ULK4: variants seen among roughly 807,000 people sequenced by gnomAD.
ULK4 encodes the protein unc-51 like kinase 4, also known as inactive serine/threonine-protein kinase ULK4.
A neutral mutation model predicts 160.6 loss-of-function variants in ULK4; 133 were observed. That is an observed-to-expected ratio of 0.83 (90% CI 0.72 to 0.96). ULK4 has a LOEUF of 0.96. Ranked by LOEUF, ULK4 falls within the 40% of genes least tolerant of loss-of-function variation. The pLI is 0.00. For synonymous variants in ULK4, 534 were observed against 539.8 expected, an observed-to-expected ratio of 0.99 and a Z score of 0.15; for missense variants, 1,580 against 1,499.5, an observed-to-expected ratio of 1.05 and a Z score of -0.89.
chr3:41,482,289 G>C (rs1214999085), intron 32 of ULK4, among the ~76,000 whole-genome samples: 4 of 152,084 alleles, frequency 2.6e-5, no homozygotes, highest in East Asian at 1.9e-4. Flanking sequence ...TTCAGAAAAG[G>C]GTCTAGGAAG....
At chr3:41,605,630 T>G (rs961820771) in intron 31 of ULK4, among the ~76,000 whole-genome samples, 15 of 151,828 alleles carry the variant, frequency 9.9e-5, no homozygotes, top group African/African-American at 3.6e-4. Context: ...AAAGGGGAAA[T>G]AGTCAAAACC....
At chr3:41,450,857 G>A (rs1002347472) in intron 34 of ULK4, among the ~76,000 whole-genome samples, 18 of 152,268 alleles carry the variant, frequency 1.2e-4, no homozygotes, top group African/African-American at 3.1e-4. Context: ...ATTTTTATAC[G>A]TAATGGTTCC....
chr3:41,493,318 C>G (rs2084861559), intron 32 of ULK4, among the ~76,000 whole-genome samples: 1 of 145,094 alleles, frequency 6.9e-6, no homozygotes, highest in Non-Finnish European at 1.5e-5. Context: ...CAACCTGCTC[C>G]TGAATGACTA....
intron 19 of ULK4, among the ~76,000 whole-genome samples, chr3:41,802,263 C>T (rs1293656884): frequency 6.6e-6 from 1 of 151,944 alleles, no homozygotes; most frequent in Non-Finnish European, 1.5e-5. Context: ...GATTGTTTTC[C>T]TTAATTTTTG....
At chr3:41,471,847 C>G in intron 32 of ULK4, among the ~76,000 whole-genome samples, 1 of 148,612 alleles carries the variant, frequency 6.7e-6, no homozygotes, top group East Asian at 2.0e-4. Context: ...CAGGATACAG[C>G]AAAAGCAGTT....
At chr3:41,732,457 A>G (rs2037865672) in intron 22 of ULK4, among the ~76,000 whole-genome samples, 1 of 152,104 alleles carries the variant, frequency 6.6e-6, no homozygotes. Flanking sequence ...AAAAATAATA[A>G]TAATAATAAT....
intron 34 of ULK4, among the ~76,000 whole-genome samples, chr3:41,444,770 G>A (rs111335327): frequency 3.3e-5 from 5 of 152,178 alleles, no homozygotes; most frequent in Non-Finnish European, 5.9e-5. Context: ...ACAAAGTCAG[G>A]AGTTTGAGAT....
chr3:41,398,272 T>C lies in ULK4; in HGVS notation c.3493-8A>G. 2.5e-6 allele frequency: 4 copies of C among 1,610,128 alleles called. No individual in the cohort carries two copies. The highest frequency in any genetic ancestry group is 2.5e-6 in the Non-Finnish European group (3 of 1,178,798). ...AGGATCTTCATTAGGAAGCTGAAAA[T>C]TAACAAATAAGACTATTTAAATTTC... On this transcript the variant is annotated splice_region_variant and splice_polypyrimidine_tract_variant and intron_variant, in intron 34 of 36. Transcript: ENST00000301831.
chr3:41,426,122 T>A (rs2082770774), intron 34 of ULK4, among the ~76,000 whole-genome samples: 1 of 151,612 alleles, frequency 6.6e-6, no homozygotes, highest in South Asian at 2.1e-4. Flanking sequence ...AAATCAGGGG[T>A]TGCAATCCTA....
At chr3:41,669,968 A>C (rs1393423378) in intron 29 of ULK4, among the ~76,000 whole-genome samples, 1 of 152,230 alleles carries the variant, frequency 6.6e-6, no homozygotes, top group African/African-American at 2.4e-5. Flanking sequence ...TATTAACTTA[A>C]AATGGCAGGC....
intron 32 of ULK4, among the ~76,000 whole-genome samples, chr3:41,498,846 C>T (rs1418248180): frequency 3.9e-5 from 6 of 152,090 alleles, no homozygotes; most frequent in African/African-American, 1.4e-4. Context: ...TTGCCCACCT[C>T]GGCTTCCCAA....
At chr3:41,415,379 C>T (rs1003569510) in intron 34 of ULK4, among the ~76,000 whole-genome samples, 4 of 152,138 alleles carry the variant, frequency 2.6e-5, no homozygotes, top group Admixed American at 2.6e-4. Context: ...AACCAATGCT[C>T]CACTATGCTC....
chr3:41,515,346 T>C (rs751774605), intron 32 of ULK4, among the ~76,000 whole-genome samples: 6 of 152,062 alleles, frequency 3.9e-5, no homozygotes, highest in Admixed American at 1.3e-4. Context: ...CAAACTGTCA[T>C]ATATTCATAT....
intron 34 of ULK4, among the ~76,000 whole-genome samples, chr3:41,407,845 T>G (rs945218759): frequency 6.6e-6 from 1 of 151,478 alleles, no homozygotes; most frequent in African/African-American, 2.4e-5. Flanking sequence ...ATAATGGAGG[T>G]TCTAGCTAGA....
chr3:41,413,104 C>T (rs2082443517), intron 34 of ULK4, among the ~76,000 whole-genome samples: 1 of 152,156 alleles, frequency 6.6e-6, no homozygotes, highest in Admixed American at 6.5e-5. Flanking sequence ...AGGTACATCT[C>T]ACAAGGCAGC....
chr3:41,803,612 T>C (rs1040991832), intron 19 of ULK4, among the ~76,000 whole-genome samples: 5 of 152,142 alleles, frequency 3.3e-5, no homozygotes, highest in African/African-American at 7.2e-5. Context: ...ATTAGGTATA[T>C]CTGCTAATGC....
intron 31 of ULK4, among the ~76,000 whole-genome samples, chr3:41,575,369 G>A (rs548638088): frequency 1.8e-4 from 28 of 152,170 alleles, no homozygotes; most frequent in Non-Finnish European, 4.1e-4. Context: ...CTCTGCCAAC[G>A]TGGTCGGGGC....
At chr3:41,824,582 T>G (rs2041274713) in intron 18 of ULK4, among the ~76,000 whole-genome samples, 1 of 152,132 alleles carries the variant, frequency 6.6e-6, no homozygotes, top group South Asian at 2.1e-4. Context: ...CACAGCAGTC[T>G]GAGATCAAAC....
At position 41,801,479 on chromosome 3, in the gene ULK4, C is replaced by T. The variant is rs190604349; in HGVS notation, c.1849-1186G>A. The stretch of plus-strand genomic sequence containing the variant: ...GGTCTCAGAAGCTCAATGAGCCCTA[C>T]GCAGAAGAAACAAAGAAAAATGACA... On this transcript the variant is annotated intron_variant, in intron 19 of 36. Coordinates refer to ENST00000301831, the MANE Select transcript of ULK4 (RefSeq NM_017886.4). Among the ~76,000 whole-genome samples, 50 of 149,894 alleles carry T rather than the reference C, an allele frequency of 3.3e-4. No individual in the cohort carries two copies. In the East Asian group the frequency reaches 8.8e-3, roughly 26 times the overall value.
Sources: allele counts gnomAD v4.1 joint callset (sites outside exome capture counted in the v4.1 genomes callset), GRCh38; gene constraint gnomAD v4.1.1; transcripts MANE v1.5; gene names NCBI Gene and HGNC (gene_info 2026-07-23, HGNC 2026-07-21).